The following FBRSL1 variants were observed in gnomAD, a reference collection of about 807,000 sequenced individuals.
FBRSL1 encodes fibrosin-1-like protein.
Under a neutral mutation model 89.6 loss-of-function variants are expected in FBRSL1, and 51 were observed. The ratio of observed to expected loss-of-function variants is 0.57; its 90% CI spans 0.45 to 0.72. The LOEUF (loss-of-function observed/expected upper bound fraction) is 0.72, where lower values mean the gene tolerates loss of function less well. FBRSL1 is among the 30% of genes least tolerant of loss of function. The pLI, the probability that FBRSL1 is intolerant of heterozygous loss-of-function variation, is 0.00. For synonymous variants in FBRSL1, 779 were observed against 681.1 expected, an observed-to-expected ratio of 1.14 and a Z score of -2.24; for missense variants, 1,618 against 1,451.8, an observed-to-expected ratio of 1.11 and a Z score of -1.86.
At chr12:132,576,241 A>G (rs71452526) in intron 14 of FBRSL1, among the ~76,000 whole-genome samples, 8 of 138,560 alleles carry the variant, frequency 5.8e-5, no homozygotes, top group East Asian at 2.0e-4. Flanking sequence ...CACCCAGGCT[A>G]GAGTGCAGTG....
intron 1 of FBRSL1, among the ~76,000 whole-genome samples, chr12:132,504,230 C>A (rs1566105371): frequency 2.5e-5 from 1 of 39,658 alleles, no homozygotes; most frequent in Non-Finnish European, 1.1e-4. Context: ...AACAGGCAGC[C>A]CCGTCCCAAA....
intron 5 of FBRSL1, among the ~76,000 whole-genome samples, chr12:132,557,517 G>A (rs987877619): frequency 2.0e-5 from 3 of 152,148 alleles, no homozygotes; most frequent in African/African-American, 4.8e-5. Flanking sequence ...CTGGGTTTTC[G>A]GCCCCGTTGA....
chr12:132,555,614 A>G (rs1003875141), intron 5 of FBRSL1, among the ~76,000 whole-genome samples: 25 of 152,120 alleles, frequency 1.6e-4, no homozygotes, highest in Non-Finnish European at 4.4e-5. Context: ...TGTTGGGTTC[A>G]TGCTCCCTCC....
intron 2 of FBRSL1, among the ~76,000 whole-genome samples, chr12:132,523,172 G>A (rs545660525): frequency 1.1e-4 from 16 of 152,162 alleles, no homozygotes; most frequent in Admixed American, 6.5e-4. Flanking sequence ...GGGAGTGGAC[G>A]TGTGGCCTCC....
At chr12:132,504,042 G>A (rs2033364371) in intron 1 of FBRSL1, among the ~76,000 whole-genome samples, 1 of 152,152 alleles carries the variant, frequency 6.6e-6, no homozygotes, top group African/African-American at 2.4e-5. Context: ...CTTTGCCCAG[G>A]GGAACATGGT....
chr12:132,549,392 C>G (rs1317521441), intron 5 of FBRSL1, among the ~76,000 whole-genome samples: 2 of 152,204 alleles, frequency 1.3e-5, no homozygotes, highest in African/African-American at 4.8e-5. Flanking sequence ...GGCCCTCAGC[C>G]CCTGCCCACA....
At chr12:132,576,735 C>T in intron 14 of FBRSL1, 64 bp from the exon 15 acceptor site, 3 of 1,509,772 alleles carry the variant, frequency 2.0e-6, no homozygotes, top group Non-Finnish European at 2.7e-6. Flanking sequence ...CCCCTCAGGC[C>T]TGGGCTCCCT....
intron 5 of FBRSL1, among the ~76,000 whole-genome samples, chr12:132,556,926 C>G (rs900765771): frequency 6.6e-6 from 1 of 152,046 alleles, no homozygotes; most frequent in Admixed American, 6.6e-5. Context: ...TTCAAGGACA[C>G]GTGCCCCGCG....
rs188550361 is a variant in FBRSL1, at chr12:132,527,803, C to T, written c.580-150C>T. On this transcript the variant is annotated intron_variant, in intron 3 of 18. Transcript: ENST00000680143. ...GGCTGCCGGGCAGGGTTGAGGGCTT[C>T]GGGTCTGTGGATCTGCGGGGCAGGG... 2,632 of 738,686 alleles carry T rather than the reference C, an allele frequency of 3.6e-3. 98 individuals are homozygous for T. In the Admixed American group the frequency reaches 0.051, roughly 14 times the overall value. The allele number at this position is 738,686 out of a possible 1,614,324, so 45.8% of individuals were successfully genotyped here.
rs2035741792 is a variant in FBRSL1 at position 132,525,799 on chromosome 12, C to G, written c.555C>G (p.Thr185=). Residue 185 remains threonine, a synonymous_variant, in exon 3 of 19, where the codon ACC becomes ACG. Transcript: ENST00000680143. ...DSDDDSVLEA[T]SSRDPLSDSS... ...ACGACGACAGCGTCCTCGAAGCCAC[C>G]AGCTCCCGGGACCCGCTCAGCGATG... 2 of 1,549,644 alleles carry G rather than the reference C, an allele frequency of 1.3e-6. No individual in the cohort carries two copies. Among genetic ancestry groups the G allele is most frequent in the Non-Finnish European group, 1.7e-6 (2 of 1,146,284 alleles).
intron 1 of FBRSL1, among the ~76,000 whole-genome samples, chr12:132,506,542 C>G (rs1388384266): frequency 6.6e-6 from 1 of 152,248 alleles, no homozygotes; most frequent in Non-Finnish European, 1.5e-5. Flanking sequence ...TGCAGGTTTC[C>G]TAGTTACTGT....
At chr12:132,572,439 C>T in intron 10 of FBRSL1, 88 bp from the exon 11 acceptor site, 1 of 1,506,274 alleles carries the variant, frequency 6.6e-7, no homozygotes, top group East Asian at 2.5e-5. Flanking sequence ...GGCCTCGCCC[C>T]TGCTGCATTG....
At chr12:132,511,139 C>T in intron 2 of FBRSL1, 1 of 985,512 alleles carries the variant, frequency 1.0e-6, no homozygotes, top group African/African-American at 1.7e-5. Flanking sequence ...ACAGGGGGCA[C>T]ATGGGCCCAT....
At chr12:132,502,445 T>A (rs1456577233) in intron 1 of FBRSL1, among the ~76,000 whole-genome samples, 1 of 152,178 alleles carries the variant, frequency 6.6e-6, no homozygotes, top group African/African-American at 2.4e-5. Flanking sequence ...GTGTGATCCG[T>A]GGTCTTCCAG....
chr12:132,548,061 G>A (rs775002573), intron 5 of FBRSL1, 29 bp downstream of exon 5: 61 of 1,549,384 alleles, frequency 3.9e-5, no homozygotes, highest in East Asian at 9.8e-5. Context: ...TCCTGGGCTC[G>A]GCTGACAGCC....
chr12:132,537,426 G>A (rs2036855716), intron 4 of FBRSL1, among the ~76,000 whole-genome samples: 1 of 152,130 alleles, frequency 6.6e-6, no homozygotes, highest in Non-Finnish European at 1.5e-5. Flanking sequence ...CCCAGAGGCA[G>A]CTGTGGTGGG....
Position 132,527,976 on chromosome 12 carries a change from G to T in FBRSL1, c.603G>T (p.Gly201=). The T allele has an allele frequency of 6.4e-7, 1 of 1,551,412 alleles. No homozygotes were observed. The highest frequency in any genetic ancestry group is 1.2e-5 in the South Asian group (1 of 84,064). The change falls in exon 4 of 19, where the codon GGG becomes GGT. Residue 201 remains glycine (G), a synonymous_variant. Coordinates refer to ENST00000680143, the MANE Select transcript of FBRSL1 (RefSeq NM_001367871.1). The part of the protein sequence containing the change: ...LSDSSAHAVS[G]RGYSCDSESG... ...AGAGCTCTGCGCATGCGGTCTCGGG[G>T]AGAGGCTACTCTGTAAGTCTCCCAG...
In FBRSL1 at chr12:132,583,165, G is replaced by A. The variant is rs552407800; in HGVS notation, c.2396G>A (p.Arg799His). 565 of 1,460,328 alleles carry A rather than the reference G, an allele frequency of 3.9e-4. 3 individuals are homozygous for A. In the African/African-American group the frequency reaches 6.6e-3, roughly 17 times the overall value. 90.5% of individuals were successfully genotyped at this position (1,460,328 alleles called of 1,614,324 possible). Residue 799 changes from arginine to histidine, a missense_variant, in exon 19 of 19, where the codon CGC becomes CAC. Transcript: ENST00000680143. Reference protein sequence around the residue: ...AKEEAAKMPARASPPHSKAAP... With the variant: ...AKEEAAKMPAHASPPHSKAAP... ...GAGGAGGCCGCCAAGATGCCCGCGC[G>A]CGCATCCCCGCCCCACAGCAAGGCG...
At chr12:132,572,645 G>C in intron 11 of FBRSL1, 23 bp downstream of exon 11, 1 of 1,518,486 alleles carries the variant, frequency 6.6e-7, no homozygotes, top group Middle Eastern at 1.7e-4. Flanking sequence ...CTGGCAGGTG[G>C]GGCGGGCACA....
Sources: gnomAD v4.1 joint callset for allele counts (sites outside exome capture counted in the v4.1 genomes callset) on GRCh38, gnomAD v4.1.1 for gene constraint, MANE v1.5 for transcripts, NCBI Gene and HGNC (gene_info 2026-07-23, HGNC 2026-07-21) for gene names.